MAPK10: variants seen among roughly 807,000 people sequenced by gnomAD.
MAPK10 encodes JNK3 alpha protein kinase.
MAPK10 carries 25 observed loss-of-function variants against 59.3 expected under a neutral mutation model. The observed-to-expected ratio is 0.42, with a 90% CI of 0.31 to 0.59. MAPK10 has a LOEUF of 0.59. MAPK10 is among the 20% of genes least tolerant of loss of function. MAPK10 has a pLI of 0.15. For missense variants in MAPK10, 351 were observed against 568.9 expected (o/e 0.62, Z 3.90); for synonymous variants, 190 against 200.5 (o/e 0.95, Z 0.44).
chr4:86,080,056 G>A (rs903765686), intron 9 of MAPK10: 1 of 151,620 alleles, frequency 6.6e-6, no homozygotes, highest in Non-Finnish European at 1.5e-5. Flanking sequence ...TATATCTCTG[G>A]AGACAAAAAG....
At chr4:86,402,154 G>A (rs1345344766) in intron 1 of MAPK10, among the ~76,000 whole-genome samples, 1 of 152,032 alleles carries the variant, frequency 6.6e-6, no homozygotes, top group Non-Finnish European at 1.5e-5. Flanking sequence ...TCTAAGTCTA[G>A]AGCTGCTAAG....
At chr4:86,402,035 C>G (rs2149018033) in intron 1 of MAPK10, among the ~76,000 whole-genome samples, 1 of 152,256 alleles carries the variant, frequency 6.6e-6, no homozygotes, top group East Asian at 1.9e-4. Flanking sequence ...TAATTACTTC[C>G]ATATGAGCAC....
intron 2 of MAPK10, among the ~76,000 whole-genome samples, chr4:86,311,613 G>T (rs912517433): frequency 4.6e-5 from 7 of 152,062 alleles, no homozygotes; most frequent in Non-Finnish European, 7.4e-5. Flanking sequence ...CCCCAAGTAT[G>T]ATGGTAGAAA....
chr4:86,160,873 A>G (rs761923833), intron 3 of MAPK10, among the ~76,000 whole-genome samples: 4 of 152,046 alleles, frequency 2.6e-5, no homozygotes, highest in South Asian at 2.1e-4. Context: ...TTTTTCCTGG[A>G]AAGTTTTGGC....
At chr4:86,205,849 C>T (rs2083715059) in intron 2 of MAPK10, among the ~76,000 whole-genome samples, 1 of 151,680 alleles carries the variant, frequency 6.6e-6, no homozygotes, top group Non-Finnish European at 1.5e-5. Context: ...CTATCAAAAG[C>T]AACAAATATC....
At chr4:86,463,434 TA>T (rs1394459597) in intron 1 of MAPK10, among the ~76,000 whole-genome samples, 1 of 152,220 alleles carries the variant, frequency 6.6e-6, no homozygotes, top group Non-Finnish European at 1.5e-5. Flanking sequence ...AACCTACTCG[TA>T]AAAAATTTTC....
At chr4:86,416,388 C>T (rs1745867357) in intron 1 of MAPK10, among the ~76,000 whole-genome samples, 1 of 152,232 alleles carries the variant, frequency 6.6e-6, no homozygotes, top group Non-Finnish European at 1.5e-5. Context: ...CACAAGAACC[C>T]TCATGAGGTG....
At chr4:86,121,694 T>C (rs1019618942) in intron 4 of MAPK10, among the ~76,000 whole-genome samples, 4 of 152,168 alleles carry the variant, frequency 2.6e-5, no homozygotes, top group African/African-American at 7.2e-5. Context: ...TTAACATATA[T>C]ATTACCTCTC....
chr4:86,168,525 G>T (rs1467491741), intron 3 of MAPK10, among the ~76,000 whole-genome samples: 1 of 152,222 alleles, frequency 6.6e-6, no homozygotes, highest in Non-Finnish European at 1.5e-5. Context: ...GCCCGCCATT[G>T]CCCAGGCTTG....
At chr4:86,559,669 A>C (rs1005914503) in intron 1 of MAPK10, among the ~76,000 whole-genome samples, 1 of 152,218 alleles carries the variant, frequency 6.6e-6, no homozygotes, top group Admixed American at 6.5e-5. Context: ...GTGGTGGCTC[A>C]TGCCTCTAAT....
intron 2 of MAPK10, among the ~76,000 whole-genome samples, chr4:86,342,148 C>T (rs943783998): frequency 3.3e-5 from 5 of 152,028 alleles, no homozygotes; most frequent in African/African-American, 7.2e-5. Flanking sequence ...TCTCCATTTG[C>T]GTAGGGAAAA....
chr4:86,077,043 A>G (rs1177393906), intron 9 of MAPK10, among the ~76,000 whole-genome samples: 1 of 152,172 alleles, frequency 6.6e-6, no homozygotes, highest in Non-Finnish European at 1.5e-5. Flanking sequence ...ATGGCATTTA[A>G]TAAGAATTAT....
chr4:86,578,799 C>T (rs1762070212), intron 1 of MAPK10, among the ~76,000 whole-genome samples: 1 of 151,594 alleles, frequency 6.6e-6, no homozygotes, highest in Non-Finnish European at 1.5e-5. Flanking sequence ...TCTTGATTGA[C>T]GTCTTGCACC....
chr4:86,296,794 T>G (rs2095371299), intron 2 of MAPK10, among the ~76,000 whole-genome samples: 1 of 152,236 alleles, frequency 6.6e-6, no homozygotes, highest in Non-Finnish European at 1.5e-5. Flanking sequence ...TGATGAGAAT[T>G]TCTTATATTT....
At chr4:86,521,129 G>A (rs1441069521) in intron 1 of MAPK10, among the ~76,000 whole-genome samples, 3 of 152,228 alleles carry the variant, frequency 2.0e-5, no homozygotes. Context: ...ACAGGCTCAG[G>A]ACCTCTGGTT....
intron 1 of MAPK10, among the ~76,000 whole-genome samples, chr4:86,493,829 TC>T (rs1754664758): frequency 6.6e-6 from 1 of 152,196 alleles, no homozygotes; most frequent in Admixed American, 6.5e-5. Context: ...GTGTTTGTGG[TC>T]CCTTCTACCT....
chr4:86,273,815 T>A (rs566828646), intron 2 of MAPK10, among the ~76,000 whole-genome samples: 3 of 152,174 alleles, frequency 2.0e-5, no homozygotes, highest in African/African-American at 7.2e-5. Flanking sequence ...TCTTACATAT[T>A]AAAGAGAAGA....
chr4:86,370,001 C>T (rs190053799), intron 1 of MAPK10, among the ~76,000 whole-genome samples: 1 of 152,248 alleles, frequency 6.6e-6, no homozygotes, highest in Non-Finnish European at 1.5e-5. Context: ...TAGTAGATGA[C>T]AGTCACTCAA....
At chr4:86,257,481 C>T (rs1365594528) in intron 2 of MAPK10, among the ~76,000 whole-genome samples, 1 of 152,060 alleles carries the variant, frequency 6.6e-6, no homozygotes, top group Non-Finnish European at 1.5e-5. Context: ...ATCCATTTAT[C>T]GCCTCCCTTT....
Sources: gnomAD v4.1 joint callset for allele counts (sites outside exome capture counted in the v4.1 genomes callset) on GRCh38, gnomAD v4.1.1 for gene constraint, MANE v1.5 for transcripts, NCBI Gene and HGNC (gene_info 2026-07-23, HGNC 2026-07-21) for gene names.